CNTNAP5: variants seen among roughly 807,000 people sequenced by gnomAD.
The protein encoded by CNTNAP5 is contactin-associated protein-like 5.
Under a neutral mutation model 150.2 loss-of-function variants are expected in CNTNAP5, and 72 were observed. That is an observed-to-expected ratio of 0.48 (90% CI 0.40 to 0.58). The LOEUF (loss-of-function observed/expected upper bound fraction) is 0.58. CNTNAP5 is among the 20% of genes least tolerant of loss of function. The probability of loss-of-function intolerance (pLI) is 0.00; values close to 1 mark genes in which losing one functional copy is unlikely to be tolerated. For missense variants in CNTNAP5, 1,636 were observed against 1,626.2 expected, an observed-to-expected ratio of 1.01 and a Z score of -0.10; for synonymous variants, 672 against 619.8, an observed-to-expected ratio of 1.08 and a Z score of -1.25.
At chr2:124,234,643 A>T (rs969527268) in intron 2 of CNTNAP5, among the ~76,000 whole-genome samples, 2 of 151,760 alleles carry the variant, frequency 1.3e-5, no homozygotes, top group African/African-American at 2.4e-5. Context: ...TTGGGTCTGA[A>T]CTCCAATTCT....
At chr2:124,175,911 C>T (rs892167758) in intron 1 of CNTNAP5, among the ~76,000 whole-genome samples, 8 of 152,120 alleles carry the variant, frequency 5.3e-5, no homozygotes, top group African/African-American at 1.7e-4. Context: ...TATACTAGTG[C>T]CTGTGTCTTT....
At chr2:124,064,853 T>G (rs1682114027) in intron 1 of CNTNAP5, among the ~76,000 whole-genome samples, 1 of 152,180 alleles carries the variant, frequency 6.6e-6, no homozygotes, top group African/African-American at 2.4e-5. Flanking sequence ...CATGTCAGTC[T>G]GATTCCTATC....
intron 1 of CNTNAP5, among the ~76,000 whole-genome samples, chr2:124,156,025 G>A (rs1684519934): frequency 6.6e-6 from 1 of 152,234 alleles, no homozygotes. Flanking sequence ...AGTTGGCCTT[G>A]CAAAGTGCAT....
At chr2:124,450,082 A>G (rs932218980) in intron 6 of CNTNAP5, among the ~76,000 whole-genome samples, 3 of 152,150 alleles carry the variant, frequency 2.0e-5, no homozygotes, top group Non-Finnish European at 4.4e-5. Flanking sequence ...TTGCATATCA[A>G]TTAGAATCTA....
At chr2:124,731,654 TAAGA>T (rs1680274161) in intron 13 of CNTNAP5, among the ~76,000 whole-genome samples, 1 of 151,658 alleles carries the variant, frequency 6.6e-6, no homozygotes, top group Non-Finnish European at 1.5e-5. Context: ...AAAAAAGAAA[TAAGA>T]AAGAGCAAAG....
intron 10 of CNTNAP5, 36 bp from the exon 11 acceptor site, chr2:124,563,181 G>A (rs368369946): frequency 5.1e-6 from 7 of 1,379,194 alleles, no homozygotes; most frequent in Non-Finnish European, 7.1e-6. Context: ...AAATGATTTG[G>A]TTTATTTTCT....
intron 11 of CNTNAP5, among the ~76,000 whole-genome samples, chr2:124,584,324 G>A (rs1028893021): frequency 2.0e-5 from 3 of 150,110 alleles, no homozygotes; most frequent in Non-Finnish European, 3.0e-5. Context: ...GAAGTTTCAT[G>A]ACAATTAGTA....
chr2:124,300,164 A>G (rs1257717985), intron 3 of CNTNAP5, among the ~76,000 whole-genome samples: 2 of 152,218 alleles, frequency 1.3e-5, no homozygotes, highest in Non-Finnish European at 2.9e-5. Flanking sequence ...GACTCATTCC[A>G]GCTCTGTGGA....
At chr2:124,426,048 A>G (rs1331501266) in intron 4 of CNTNAP5, among the ~76,000 whole-genome samples, 1 of 152,192 alleles carries the variant, frequency 6.6e-6, no homozygotes, top group East Asian at 1.9e-4. Context: ...TAAAAACAAA[A>G]CAAAACAAAA....
At chr2:124,091,957 A>G (rs1682823515) in intron 1 of CNTNAP5, among the ~76,000 whole-genome samples, 1 of 152,216 alleles carries the variant, frequency 6.6e-6, no homozygotes, top group Non-Finnish European at 1.5e-5. Context: ...TGCATAAGGC[A>G]GGTCCTCGGC....
intron 11 of CNTNAP5, among the ~76,000 whole-genome samples, chr2:124,572,819 T>C (rs1696197068): frequency 1.3e-5 from 2 of 152,200 alleles, no homozygotes; most frequent in African/African-American, 2.4e-5. Flanking sequence ...TACCACTGTC[T>C]TTTCCTGAAG....
At chr2:124,874,403 CT>C (rs1398617984) in intron 21 of CNTNAP5, among the ~76,000 whole-genome samples, 3 of 152,104 alleles carry the variant, frequency 2.0e-5, no homozygotes, top group Non-Finnish European at 4.4e-5. Context: ...TGCTTTATCA[CT>C]GTTATTTCTA....
chr2:124,721,698 A>G (rs1029384627), intron 13 of CNTNAP5, among the ~76,000 whole-genome samples: 23 of 152,192 alleles, frequency 1.5e-4, no homozygotes, highest in African/African-American at 5.5e-4. Context: ...AAGGGAAAGT[A>G]TGGTTTTCCT....
At chr2:124,069,873 C>T (rs1023646992) in intron 1 of CNTNAP5, among the ~76,000 whole-genome samples, 7 of 152,014 alleles carry the variant, frequency 4.6e-5, no homozygotes, top group African/African-American at 7.3e-5. Context: ...GAATAGTAAG[C>T]GCACAGAGAA....
intron 3 of CNTNAP5, among the ~76,000 whole-genome samples, chr2:124,254,265 A>G (rs1687254502): frequency 6.6e-6 from 1 of 152,238 alleles, no homozygotes; most frequent in Admixed American, 6.5e-5. Context: ...CAAATGTAAG[A>G]AAATATTCCC....
At chr2:124,077,791 G>C (rs1160661761) in intron 1 of CNTNAP5, among the ~76,000 whole-genome samples, 3 of 152,180 alleles carry the variant, frequency 2.0e-5, no homozygotes, top group Middle Eastern at 3.2e-3. Context: ...ATTCTCTCTA[G>C]TTTGTCATAC....
At chr2:124,679,773 C>T (rs1171423045) in intron 13 of CNTNAP5, among the ~76,000 whole-genome samples, 1 of 151,726 alleles carries the variant, frequency 6.6e-6, no homozygotes, top group Non-Finnish European at 1.5e-5. Flanking sequence ...ACATGTTGCC[C>T]AGGCTAGTCT....
chr2:124,331,226 T>C (rs1442394862), intron 3 of CNTNAP5, among the ~76,000 whole-genome samples: 4 of 152,088 alleles, frequency 2.6e-5, no homozygotes, highest in African/African-American at 9.7e-5. Context: ...AAAATGACCA[T>C]GGTTGAATAT....
At chr2:124,490,525 C>A (rs912187965) in intron 7 of CNTNAP5, among the ~76,000 whole-genome samples, 1 of 151,890 alleles carries the variant, frequency 6.6e-6, no homozygotes, top group Non-Finnish European at 1.5e-5. Context: ...CAATAAAGAT[C>A]AGTATATAAG....
Sources: gnomAD v4.1 joint callset for allele counts (sites outside exome capture counted in the v4.1 genomes callset) on GRCh38, gnomAD v4.1.1 for gene constraint, MANE v1.5 for transcripts, NCBI Gene and HGNC (gene_info 2026-07-23, HGNC 2026-07-21) for gene names.